Variants in MGLL observed in about 807,000 individuals in gnomAD.
MGLL encodes the protein monoglyceride lipase.
A neutral mutation model predicts 29.1 loss-of-function variants in MGLL; 7 were observed. The observed-to-expected ratio is 0.24, with a 90% CI of 0.14 to 0.45. The LOEUF (loss-of-function observed/expected upper bound fraction) is 0.45. Ranked by LOEUF, MGLL falls within the 20% of genes least tolerant of loss-of-function variation. The probability of loss-of-function intolerance (pLI) is 0.99; values close to 1 mark genes in which losing one functional copy is unlikely to be tolerated. For missense variants in MGLL, 356 were observed against 413.6 expected (o/e 0.86, Z 1.21); for synonymous variants, 148 against 168.3 (o/e 0.88, Z 0.93).
intron 3 of MGLL, among the ~76,000 whole-genome samples, chr3:127,731,037 A>G (rs16827188): frequency 0.057 from 8,668 of 152,278 alleles, 681 homozygotes; most frequent in East Asian, 0.33. Context: ...CAGTGTTTCC[A>G]TAATGGCCAC....
At chr3:127,821,010 A>C (rs529687693) in intron 2 of MGLL, among the ~76,000 whole-genome samples, 2 of 152,374 alleles carry the variant, frequency 1.3e-5, no homozygotes, top group South Asian at 4.1e-4. Flanking sequence ...TCCCTGGAAC[A>C]GGAAATGTTC....
At chr3:127,756,874 C>G (rs1466732415) in intron 3 of MGLL, among the ~76,000 whole-genome samples, 1 of 152,204 alleles carries the variant, frequency 6.6e-6, no homozygotes, top group Admixed American at 6.5e-5. Flanking sequence ...CTTGATGACG[C>G]AGACCTAGGT....
chr3:127,804,276 G>A (rs949919797), intron 2 of MGLL, among the ~76,000 whole-genome samples: 8 of 152,230 alleles, frequency 5.3e-5, no homozygotes, highest in South Asian at 2.1e-4. Context: ...AAGCAGTGTC[G>A]CCCAGGAGGC....
chr3:127,822,775 C>T (rs1012195481), upstream of MGLL: 1 of 165,450 alleles, frequency 6.0e-6, no homozygotes, highest in African/African-American at 2.4e-5. Context: ...AGCCCCGAAG[C>T]TGTCATCGGA....
At chr3:127,806,213 C>T (rs1026357023) in intron 2 of MGLL, among the ~76,000 whole-genome samples, 1 of 152,260 alleles carries the variant, frequency 6.6e-6, no homozygotes, top group African/African-American at 2.4e-5. Flanking sequence ...GACCCTGGCA[C>T]ATGCACTAGT....
intron 5 of MGLL, among the ~76,000 whole-genome samples, chr3:127,717,508 G>A (rs1183994259): frequency 1.3e-5 from 2 of 152,198 alleles, no homozygotes; most frequent in East Asian, 1.9e-4. Flanking sequence ...GTCAGGCACC[G>A]AGTGCTGGGC....
intron 3 of MGLL, among the ~76,000 whole-genome samples, chr3:127,775,666 T>A (rs2077022490): frequency 6.6e-6 from 1 of 152,222 alleles, no homozygotes; most frequent in South Asian, 2.1e-4. Flanking sequence ...GTTCATCAGT[T>A]GAGGATGGTT....
At chr3:127,812,073 A>G (rs1356274535) in intron 2 of MGLL, among the ~76,000 whole-genome samples, 2 of 152,232 alleles carry the variant, frequency 1.3e-5, no homozygotes, top group African/African-American at 4.8e-5. Context: ...AAACATTTCT[A>G]CCAACCATGA....
intron 6 of MGLL, among the ~76,000 whole-genome samples, chr3:127,697,741 C>T (rs2075399152): frequency 6.6e-6 from 1 of 152,186 alleles, no homozygotes; most frequent in African/African-American, 2.4e-5. Flanking sequence ...AAGGTTCGCC[C>T]CTGGAAGCTA....
chr3:127,802,507 C>A (rs1361931072), intron 2 of MGLL, among the ~76,000 whole-genome samples: 1 of 152,154 alleles, frequency 6.6e-6, no homozygotes, highest in South Asian at 2.1e-4. Flanking sequence ...ATAATCACCC[C>A]CCTTGTACTA....
intron 2 of MGLL, among the ~76,000 whole-genome samples, chr3:127,790,081 C>T (rs1465099540): frequency 2.6e-5 from 4 of 152,222 alleles, no homozygotes; most frequent in African/African-American, 9.6e-5. Flanking sequence ...ATCCTGTGGG[C>T]TGGGGCCCTG....
chr3:127,736,489 T>G, intron 3 of MGLL: 1 of 347,506 alleles, frequency 2.9e-6, no homozygotes, highest in Non-Finnish European at 4.0e-6. Context: ...GCTTCATGCA[T>G]CCCTGCCCAG....
intron 3 of MGLL, chr3:127,735,975 G>A (rs1430246180): frequency 1.5e-5 from 22 of 1,432,158 alleles, no homozygotes; most frequent in African/African-American, 2.9e-5. Context: ...ACCATCTTTC[G>A]GCTCAGTTCC....
chr3:127,750,431 T>C (rs2076536832), intron 3 of MGLL, among the ~76,000 whole-genome samples: 1 of 152,110 alleles, frequency 6.6e-6, no homozygotes, highest in Non-Finnish European at 1.5e-5. Flanking sequence ...GGCTGCACTC[T>C]CATTCTCTAA....
intron 2 of MGLL, among the ~76,000 whole-genome samples, chr3:127,811,885 T>C (rs1036377027): frequency 6.6e-6 from 1 of 152,214 alleles, no homozygotes; most frequent in African/African-American, 2.4e-5. Context: ...CATTGATACA[T>C]GCAGGAGCCC....
chr3:127,694,940 C>T, intron 7 of MGLL, 35 bp downstream of exon 7: 1 of 1,600,700 alleles, frequency 6.2e-7, no homozygotes, highest in Non-Finnish European at 8.6e-7. Flanking sequence ...CCCCCCTCCA[C>T]CTTGGGGGGA....
At chr3:127,736,946 C>T (rs1311146300) in intron 3 of MGLL, among the ~76,000 whole-genome samples, 1 of 152,128 alleles carries the variant, frequency 6.6e-6, no homozygotes, top group South Asian at 2.1e-4. Context: ...CCACCTGCCT[C>T]GGCCTCCCAA....
intron 3 of MGLL, among the ~76,000 whole-genome samples, chr3:127,732,549 AGGGCTGG>A (rs767893014): frequency 1.3e-5 from 2 of 152,138 alleles, no homozygotes; most frequent in Non-Finnish European, 2.9e-5. Flanking sequence ...GTGAAAACAC[AGGGCTGG>A]CATCTTCCCT....
chr3:127,730,741 C>A (rs2107639896), intron 3 of MGLL, among the ~76,000 whole-genome samples: 2 of 152,304 alleles, frequency 1.3e-5, no homozygotes, highest in South Asian at 2.1e-4. Context: ...AGCACCATCC[C>A]CCACCCTATA....
Sources: gnomAD v4.1 joint callset for allele counts (sites outside exome capture counted in the v4.1 genomes callset) on GRCh38, gnomAD v4.1.1 for gene constraint, MANE v1.5 for transcripts, NCBI Gene and HGNC (gene_info 2026-07-23, HGNC 2026-07-21) for gene names.